The following CSMD3 variants were observed in gnomAD, a reference collection of about 807,000 sequenced individuals.
CSMD3 encodes the protein CUB and sushi domain-containing protein 3.
A neutral mutation model predicts 435.2 loss-of-function variants in CSMD3; 177 were observed. That is an observed-to-expected ratio of 0.41 (90% CI 0.36 to 0.46). The LOEUF (loss-of-function observed/expected upper bound fraction) is 0.46. Among genes scored for constraint, CSMD3 ranks in the 20% least tolerant of loss-of-function variants. CSMD3 has a pLI of 0.34. For missense variants in CSMD3, 4,265 were observed against 4,504.6 expected, an observed-to-expected ratio of 0.95 and a Z score of 1.52; for synonymous variants, 1,656 against 1,520.5, an observed-to-expected ratio of 1.09 and a Z score of -2.07.
intron 13 of CSMD3, among the ~76,000 whole-genome samples, chr8:112,787,760 A>G (rs1254787540): frequency 6.6e-6 from 1 of 152,086 alleles, no homozygotes; most frequent in Non-Finnish European, 1.5e-5. Flanking sequence ...ATGGAGATAG[A>G]GAGTAGAATG....
intron 22 of CSMD3, among the ~76,000 whole-genome samples, chr8:112,631,859 T>C (rs2074525176): frequency 6.6e-6 from 1 of 151,944 alleles, no homozygotes; most frequent in Non-Finnish European, 1.5e-5. Context: ...AAAAGAAAAA[T>C]ATAGAAAATT....
intron 10 of CSMD3, among the ~76,000 whole-genome samples, chr8:112,889,560 C>CT (rs1307053176): frequency 6.6e-6 from 1 of 151,582 alleles, no homozygotes. Flanking sequence ...TGTCTTTTGT[C>CT]TTCTTGCAAT....
chr8:112,232,189 A>G (rs1813151083), intron 68 of CSMD3, among the ~76,000 whole-genome samples: 1 of 152,240 alleles, frequency 6.6e-6, no homozygotes, highest in African/African-American at 2.4e-5. Flanking sequence ...GATTCCATTC[A>G]TATGAAAGTC....
intron 42 of CSMD3, among the ~76,000 whole-genome samples, chr8:112,338,147 C>G (rs188556572): frequency 1.3e-5 from 2 of 152,166 alleles, no homozygotes; most frequent in African/African-American, 4.8e-5. Flanking sequence ...AGCCTTTTTA[C>G]AGTTTGTTTT....
At chr8:112,827,291 T>C (rs1406364657) in intron 12 of CSMD3, among the ~76,000 whole-genome samples, 2 of 149,526 alleles carry the variant, frequency 1.3e-5, no homozygotes, top group Non-Finnish European at 3.0e-5. Flanking sequence ...TAGGAGGACA[T>C]AGCATCTATG....
intron 12 of CSMD3, among the ~76,000 whole-genome samples, chr8:112,824,354 T>C (rs1483809983): frequency 6.6e-6 from 1 of 152,136 alleles, no homozygotes; most frequent in East Asian, 1.9e-4. Flanking sequence ...CATGACGCTA[T>C]CTGGTTATTT....
chr8:112,241,841 T>TGC (rs371891542), intron 65 of CSMD3, 56 bp from the exon 66 acceptor site: 40 of 799,022 alleles, frequency 5.0e-5, no homozygotes, highest in East Asian at 1.0e-4. Flanking sequence ...TACATACACA[T>TGC]GCGCACACAC....
intron 4 of CSMD3, among the ~76,000 whole-genome samples, chr8:113,153,115 AAG>A (rs1171325522): frequency 4.5e-5 from 5 of 111,060 alleles, no homozygotes; most frequent in East Asian, 5.3e-4. Context: ...GAAAGAAAGA[AAG>A]AAAGAAAGAG....
At chr8:113,014,492 A>G (rs1358107283) in intron 6 of CSMD3, among the ~76,000 whole-genome samples, 1 of 151,998 alleles carries the variant, frequency 6.6e-6, no homozygotes, top group South Asian at 2.1e-4. Context: ...AGAAAATGAG[A>G]TGCCCTTATC....
At chr8:112,382,823 C>T (rs1451670387) in intron 37 of CSMD3, among the ~76,000 whole-genome samples, 1 of 152,082 alleles carries the variant, frequency 6.6e-6, no homozygotes, top group Admixed American at 6.5e-5. Flanking sequence ...AACCCCATCT[C>T]TACCAAAAAA....
intron 24 of CSMD3, among the ~76,000 whole-genome samples, chr8:112,565,892 A>G (rs900237267): frequency 4.6e-5 from 7 of 152,196 alleles, no homozygotes; most frequent in Admixed American, 4.6e-4. Flanking sequence ...TAGAGTTTAG[A>G]GATTTCATGA....
intron 12 of CSMD3, among the ~76,000 whole-genome samples, chr8:112,804,985 T>G (rs2079050356): frequency 6.6e-6 from 1 of 152,138 alleles, no homozygotes; most frequent in African/African-American, 2.4e-5. Context: ...TTCTGTGATT[T>G]CCCCAGAAAA....
At chr8:112,553,452 C>T (rs1417614998) in intron 25 of CSMD3, among the ~76,000 whole-genome samples, 3 of 152,108 alleles carry the variant, frequency 2.0e-5, no homozygotes, top group South Asian at 4.1e-4. Context: ...AGTCTCTGTA[C>T]TGGAAAAGAG....
chr8:113,235,842 A>G (rs530351599), intron 3 of CSMD3, among the ~76,000 whole-genome samples: 218 of 149,154 alleles, frequency 1.5e-3, no homozygotes, highest in South Asian at 1.0e-2. Flanking sequence ...TGACCACCCA[A>G]TTTTTTGCAA....
chr8:112,482,607 A>C (rs1335220826), intron 31 of CSMD3, among the ~76,000 whole-genome samples: 3 of 152,228 alleles, frequency 2.0e-5, no homozygotes, highest in Non-Finnish European at 4.4e-5. Flanking sequence ...ATTTCTTAAA[A>C]GATCTGAATT....
At chr8:112,861,055 G>C (rs2080813729) in intron 10 of CSMD3, among the ~76,000 whole-genome samples, 1 of 151,816 alleles carries the variant, frequency 6.6e-6, no homozygotes, top group Admixed American at 6.6e-5. Context: ...TTCTTGAATA[G>C]ACTATCCAGA....
chr8:112,592,769 G>A (rs1427279269), intron 22 of CSMD3, among the ~76,000 whole-genome samples: 1 of 151,970 alleles, frequency 6.6e-6, no homozygotes, highest in African/African-American at 2.4e-5. Flanking sequence ...TAAAAATAAT[G>A]TTCTTAATAA....
intron 11 of CSMD3, among the ~76,000 whole-genome samples, chr8:112,852,603 G>C (rs2080523172): frequency 6.6e-6 from 1 of 152,034 alleles, no homozygotes; most frequent in Admixed American, 6.6e-5. Flanking sequence ...ACTCACACGA[G>C]ATAGAGTTGT....
At chr8:113,174,129 C>T (rs780144447) in intron 3 of CSMD3, among the ~76,000 whole-genome samples, 17 of 152,068 alleles carry the variant, frequency 1.1e-4, no homozygotes, top group Non-Finnish European at 1.5e-4. Context: ...ATTCTTTATG[C>T]TAGAAAGTTT....
Sources: gnomAD v4.1 joint callset for allele counts (sites outside exome capture counted in the v4.1 genomes callset) on GRCh38, gnomAD v4.1.1 for gene constraint, MANE v1.5 for transcripts, NCBI Gene and HGNC (gene_info 2026-07-23, HGNC 2026-07-21) for gene names.